The following NTRK1 variants were observed in gnomAD, a reference collection of about 807,000 sequenced individuals.
The protein encoded by NTRK1 is neurotrophic receptor tyrosine kinase 1, also known as high affinity nerve growth factor receptor.
In NTRK1, 62 loss-of-function variants were observed where a neutral mutation model predicts 86.8. The observed-to-expected ratio is 0.71, with a 90% CI of 0.58 to 0.88. NTRK1 has a LOEUF of 0.88. Among genes scored for constraint, NTRK1 ranks in the 40% least tolerant of loss-of-function variants. NTRK1 has a pLI of 0.00. For missense variants in NTRK1, 967 were observed against 1,078.4 expected, an observed-to-expected ratio of 0.90 and a Z score of 1.45; for synonymous variants, 469 against 456.6, an observed-to-expected ratio of 1.03 and a Z score of -0.35.
intron 1 of NTRK1, among the ~76,000 whole-genome samples, chr1:156,863,251 TTATC>T (rs1355504032): frequency 6.6e-6 from 1 of 152,124 alleles, no homozygotes; most frequent in African/African-American, 2.4e-5. Flanking sequence ...CTCTCTGTCC[TTATC>T]TGTCTGTCTC....
intron 2 of NTRK1, among the ~76,000 whole-genome samples, chr1:156,855,228 G>A (rs1323720756): frequency 8.6e-5 from 4 of 46,470 alleles, no homozygotes; most frequent in African/African-American, 2.1e-4. Context: ...ATTTGATATG[G>A]AGTCTCACTC....
At chr1:156,842,238 C>A (rs145039687) in intron 2 of NTRK1, 3 of 1,613,928 alleles carry the variant, frequency 1.9e-6, no homozygotes, top group Admixed American at 3.3e-5. Context: ...TGGATCATTT[C>A]CCCCAATGCT....
intron 4 of NTRK1, 95 bp from the exon 5 acceptor site, chr1:156,868,009 A>G: frequency 7.3e-7 from 1 of 1,377,104 alleles, no homozygotes; most frequent in Non-Finnish European, 1.0e-6. Flanking sequence ...TTTCACCTGT[A>G]GACGGTCCTC....
intron 1 of NTRK1, among the ~76,000 whole-genome samples, chr1:156,820,096 TA>T (rs1371930705): frequency 5.3e-5 from 8 of 152,216 alleles, no homozygotes; most frequent in Non-Finnish European, 1.2e-4. Context: ...CTAGAATTTT[TA>T]TGGTTTCAGC....
At chr1:156,861,619 G>T (rs1453397490) in intron 1 of NTRK1, among the ~76,000 whole-genome samples, 1 of 152,186 alleles carries the variant, frequency 6.6e-6, no homozygotes, top group Non-Finnish European at 1.5e-5. Context: ...CTGGAATTGG[G>T]GATTGAGCTG....
At chr1:156,834,320 C>A (rs536978534) in intron 1 of NTRK1, among the ~76,000 whole-genome samples, 25 of 152,212 alleles carry the variant, frequency 1.6e-4, no homozygotes, top group African/African-American at 5.3e-4. Flanking sequence ...AGGGAAGAGT[C>A]TAGACTGATT....
chr1:156,817,070 T>TCTCTCTCTCTCTCA (rs1276395090), intron 1 of NTRK1, among the ~76,000 whole-genome samples: 5 of 151,598 alleles, frequency 3.3e-5, no homozygotes, highest in Non-Finnish European at 5.9e-5. Flanking sequence ...TCTCTCTCTC[T>TCTCTCTCTCTCTCA]CTCTCATCTC....
In NTRK1 at chr1:156,879,177, C is replaced by T. The variant is rs2102924330; in HGVS notation, c.1861C>T (p.Pro621Ser). 1 of 1,613,126 alleles carries T rather than the reference C, an allele frequency of 6.2e-7. No individual in the cohort carries two copies. Among genetic ancestry groups the T allele is most frequent in the Non-Finnish European group, 8.5e-7 (1 of 1,179,224 alleles). The stretch of plus-strand genomic sequence containing the variant: ...TGGTGGGGAGGATGTGGCTCCAGGC[C>T]CCCTGGGTCTGGGGCAGCTGCTGGC... ...LAGGEDVAPG[P>S]LGLGQLLAVA... Residue 621 changes from proline to serine, a missense_variant, in exon 15 of 17, where the codon CCC becomes TCC. Physicochemically the swap from Pro to Ser is moderately conservative, Grantham distance 74. Coordinates refer to ENST00000524377, the MANE Select transcript of NTRK1 (RefSeq NM_002529.4).
rs534062373 is a variant in NTRK1 at position 156,845,873 on chromosome 1, C to G, written c.50+3680C>G. 430 of 1,600,378 alleles carry G rather than the reference C, an allele frequency of 2.7e-4. 2 individuals carry two copies. The African/African-American group carries it at 4.4e-3, about 16-fold the overall frequency. ...GGCGGTCTACCCGCCTCTGATCCCC[C>G]CCACCTGCCGGGGCCCTGCGCCTCC... On this transcript the variant is annotated intron_variant, in intron 2 of 16. Transcript: ENST00000392302.
intron 1 of NTRK1, among the ~76,000 whole-genome samples, chr1:156,821,274 T>C (rs1029114428): frequency 1.2e-4 from 19 of 152,224 alleles, no homozygotes; most frequent in Non-Finnish European, 2.8e-4. Flanking sequence ...CAGCATATTA[T>C]TGGCAAACAG....
chr1:156,844,670 A>T (rs182639113), intron 2 of NTRK1: 1 of 1,614,006 alleles, frequency 6.2e-7, no homozygotes, highest in Non-Finnish European at 8.5e-7. Context: ...ATGTAGGCAC[A>T]AAACGGGGCT....
chr1:156,831,315 C>T (rs1326265711), intron 1 of NTRK1, among the ~76,000 whole-genome samples: 2 of 152,206 alleles, frequency 1.3e-5, no homozygotes, highest in Non-Finnish European at 1.5e-5. Context: ...TCCCACTTCT[C>T]TACTTCTCGC....
rs376193845 is a variant in NTRK1 at position 156,868,464 on chromosome 1, G to A, written c.575-41G>A. On this transcript the variant is annotated intron_variant, in intron 5 of 16. Coordinates refer to ENST00000524377, the MANE Select transcript of NTRK1 (RefSeq NM_002529.4). ...CAGTAGAGTTCTGGGGCCACTCCCAGCTCTAACACCCCTTGGCCCTCGGGC... is the reference window on the plus strand; with the variant it reads ...CAGTAGAGTTCTGGGGCCACTCCCAACTCTAACACCCCTTGGCCCTCGGGC... The A allele has an allele frequency of 7.1e-5, 110 of 1,551,348 alleles. No homozygotes were observed. The African/African-American group carries it at 1.4e-3, about 20-fold the overall frequency.
chr1:156,849,410 G>A, intron 2 of NTRK1: 3 of 1,595,534 alleles, frequency 1.9e-6, no homozygotes, highest in Non-Finnish European at 2.6e-6. Flanking sequence ...GGCCACCCAG[G>A]ACCCTAGCTG....
At chr1:156,868,296 C>A (rs755486133) in intron 5 of NTRK1, 47 bp downstream of exon 5, 131 of 1,597,326 alleles carry the variant, frequency 8.2e-5, no homozygotes, top group Non-Finnish European at 1.0e-4. Context: ...GGGGAAGAGA[C>A]CTACCTGCCT....
chr1:156,862,699 C>G (rs889126363), intron 1 of NTRK1, among the ~76,000 whole-genome samples: 4 of 152,136 alleles, frequency 2.6e-5, no homozygotes, highest in African/African-American at 9.7e-5. Flanking sequence ...ACGAATGAGG[C>G]AGCTTTGAGG....
At chr1:156,816,633 T>G in intron 1 of NTRK1, 2 of 1,587,066 alleles carry the variant, frequency 1.3e-6, no homozygotes, top group Non-Finnish European at 1.7e-6. Flanking sequence ...GATGGGGGTC[T>G]TTGTGCCCCC....
intron 1 of NTRK1, among the ~76,000 whole-genome samples, chr1:156,863,081 G>A (rs1655752308): frequency 6.6e-6 from 1 of 151,472 alleles, no homozygotes; most frequent in Non-Finnish European, 1.5e-5. Context: ...TGTTGGGGTG[G>A]GGGGGGCACA....
chr1:156,842,372 C>G lies in NTRK1; in HGVS notation c.50+179C>G, dbSNP rs1054768557. On this transcript the variant is annotated intron_variant, in intron 2 of 16. Transcript: ENST00000392302. Reference sequence around the variant, plus strand: ...CACACTGTGCCCAACCCTTCTTTCACTCCCCAGGGTCTTCCTGGTCCCTAC... The same window carrying G: ...CACACTGTGCCCAACCCTTCTTTCAGTCCCCAGGGTCTTCCTGGTCCCTAC... 3.7e-6 allele frequency: 6 copies of G among 1,612,984 alleles called. No homozygotes were observed. In the African/African-American group the frequency reaches 6.7e-5, roughly 18 times the overall value.
Sources: allele counts gnomAD v4.1 joint callset (sites outside exome capture counted in the v4.1 genomes callset), GRCh38; gene constraint gnomAD v4.1.1; transcripts MANE v1.5; gene names NCBI Gene and HGNC (gene_info 2026-07-23, HGNC 2026-07-21).